The following PCDH15 variants were observed in gnomAD, a reference collection of about 807,000 sequenced individuals.
PCDH15 encodes protocadherin-15.
In PCDH15, 129 loss-of-function variants were observed where a neutral mutation model predicts 178.5. That is an observed-to-expected ratio of 0.72 (90% confidence interval 0.63 to 0.84). PCDH15 has a LOEUF of 0.84. Among genes scored for constraint, PCDH15 ranks in the 40% least tolerant of loss-of-function variants. The pLI, the probability that PCDH15 is intolerant of heterozygous loss-of-function variation, is 0.00. For missense variants in PCDH15, 2,230 were observed against 2,099.9 expected (o/e 1.06, Z -1.21); for synonymous variants, 800 against 732.0 (o/e 1.09, Z -1.50).
At chr10:54,744,612 C>G (rs1208668009) in intron 1 of PCDH15, among the ~76,000 whole-genome samples, 1 of 151,552 alleles carries the variant, frequency 6.6e-6, no homozygotes, top group Non-Finnish European at 1.5e-5. Context: ...ATCTGTATAC[C>G]AAAGTTGAAA....
At chr10:55,362,593 A>T (rs1845256584) in intron 2 of PCDH15, among the ~76,000 whole-genome samples, 1 of 152,078 alleles carries the variant, frequency 6.6e-6, no homozygotes, top group Admixed American at 6.6e-5. Flanking sequence ...CATGAAATTG[A>T]TGGATATAAT....
At chr10:55,182,416 C>T (rs942017904) in intron 1 of PCDH15, among the ~76,000 whole-genome samples, 18 of 151,842 alleles carry the variant, frequency 1.2e-4, no homozygotes, top group Admixed American at 1.2e-3. Flanking sequence ...ATGAATACAA[C>T]ATATCATAGT....
intron 2 of PCDH15, among the ~76,000 whole-genome samples, chr10:54,955,859 T>C (rs1041772039): frequency 2.6e-5 from 4 of 151,292 alleles, no homozygotes; most frequent in African/African-American, 9.7e-5. Context: ...GCAAATTTCT[T>C]AAATAGACAA....
intron 8 of PCDH15, among the ~76,000 whole-genome samples, chr10:54,285,919 A>C (rs2132843669): frequency 6.6e-6 from 1 of 152,322 alleles, no homozygotes; most frequent in East Asian, 1.9e-4. Context: ...AAGGCAACAT[A>C]AAAGAACCTG....
chr10:54,612,780 C>T, intron 2 of PCDH15, among the ~76,000 whole-genome samples: 1 of 151,670 alleles, frequency 6.6e-6, no homozygotes, highest in East Asian at 1.9e-4. Flanking sequence ...TATTAATTTA[C>T]ACAGTATAAA....
chr10:55,111,544 A>AT (rs1554831704), intron 2 of PCDH15, among the ~76,000 whole-genome samples: 2 of 151,546 alleles, frequency 1.3e-5, no homozygotes, highest in African/African-American at 4.9e-5. Flanking sequence ...AAAAAAAAAA[A>AT]TTTAAAAAAG....
intron 8 of PCDH15, among the ~76,000 whole-genome samples, chr10:54,243,493 C>T (rs551575822): frequency 6.6e-6 from 1 of 152,042 alleles, no homozygotes; most frequent in African/African-American, 2.4e-5. Flanking sequence ...GGCGACAGAG[C>T]AAGACTCAGC....
chr10:55,461,107 G>A (rs1839667157), intron 2 of PCDH15, among the ~76,000 whole-genome samples: 1 of 152,064 alleles, frequency 6.6e-6, no homozygotes, highest in South Asian at 2.1e-4. Flanking sequence ...CAAGCTTTAG[G>A]TAGTTTTCTC....
At chr10:54,252,046 A>C (rs2056522573) in intron 8 of PCDH15, among the ~76,000 whole-genome samples, 1 of 152,182 alleles carries the variant, frequency 6.6e-6, no homozygotes, top group South Asian at 2.1e-4. Flanking sequence ...TGTGTTTGAA[A>C]CTGTGTATTA....
At chr10:55,391,637 C>T (rs934178847) in intron 2 of PCDH15, among the ~76,000 whole-genome samples, 1 of 151,926 alleles carries the variant, frequency 6.6e-6, no homozygotes, top group Non-Finnish European at 1.5e-5. Context: ...CAGGCATGCA[C>T]CACCACACCC....
At chr10:54,160,753 T>C (rs563257388) in intron 13 of PCDH15, among the ~76,000 whole-genome samples, 1 of 152,306 alleles carries the variant, frequency 6.6e-6, no homozygotes, top group East Asian at 1.9e-4. Context: ...AAGATTTGAA[T>C]AGATATTTCA....
chr10:54,694,044 T>C (rs2095177308), intron 1 of PCDH15, among the ~76,000 whole-genome samples: 1 of 152,172 alleles, frequency 6.6e-6, no homozygotes, highest in Non-Finnish European at 1.5e-5. Flanking sequence ...GTCTCACCTA[T>C]AAAATTTGGG....
chr10:54,501,406 CT>C (rs1431456370), intron 3 of PCDH15, among the ~76,000 whole-genome samples: 1 of 152,074 alleles, frequency 6.6e-6, no homozygotes, highest in Admixed American at 6.6e-5. Context: ...CATAAACAGT[CT>C]GCAAAACAAG....
chr10:54,352,786 A>G (rs965573971), intron 5 of PCDH15, among the ~76,000 whole-genome samples: 2 of 152,158 alleles, frequency 1.3e-5, no homozygotes, highest in Non-Finnish European at 2.9e-5. Flanking sequence ...AGAAAACCCA[A>G]TCAAGATAAG....
At chr10:55,141,861 AT>A (rs11424507) in intron 2 of PCDH15, among the ~76,000 whole-genome samples, 12 of 151,552 alleles carry the variant, frequency 7.9e-5, no homozygotes, top group South Asian at 2.1e-4. Flanking sequence ...AAGGTTTATT[AT>A]TTTTTTTTAC....
chr10:54,123,517 C>T (rs1247461306), intron 15 of PCDH15, among the ~76,000 whole-genome samples: 1 of 151,790 alleles, frequency 6.6e-6, no homozygotes, highest in Non-Finnish European at 1.5e-5. Context: ...AAAAGTAAAA[C>T]AACAACAGAT....
chr10:55,023,545 C>T (rs566108719), intron 2 of PCDH15, among the ~76,000 whole-genome samples: 64 of 152,032 alleles, frequency 4.2e-4, no homozygotes, highest in African/African-American at 1.4e-3. Flanking sequence ...TCTAGATCGA[C>T]TATTAATCTT....
In PCDH15 at chr10:55,132,819, G is replaced by A. The variant is rs540847037; in HGVS notation, c.-80+33757C>T. ...ATTTTACTCTACATATTTTGGTTAA[G>A]ACTGTGAGCATTTACCTAACAGAAT... On this transcript the variant is annotated intron_variant, in intron 2 of 5. Coordinates refer to the PCDH15 transcript ENST00000458638. Among the ~76,000 whole-genome samples, 5 of 152,262 alleles carry A rather than the reference G, an allele frequency of 3.3e-5. No individual in the cohort carries two copies. The East Asian group carries it at 9.7e-4, about 29-fold the overall frequency.
At chr10:54,749,396 G>A (rs141758430) in intron 1 of PCDH15, among the ~76,000 whole-genome samples, 6 of 152,174 alleles carry the variant, frequency 3.9e-5, no homozygotes, top group East Asian at 1.9e-4. Context: ...TAACACTAGG[G>A]AGCATATTCA....
Sources: gnomAD v4.1 joint callset for allele counts (sites outside exome capture counted in the v4.1 genomes callset) on GRCh38, gnomAD v4.1.1 for gene constraint, MANE v1.5 for transcripts, NCBI Gene and HGNC (gene_info 2026-07-23, HGNC 2026-07-21) for gene names.